The following ACYP2 variants were observed in gnomAD, a reference collection of about 807,000 sequenced individuals.
ACYP2 encodes acylphosphatase-2.
Under a neutral mutation model 11.2 loss-of-function variants are expected in ACYP2, and 12 were observed. The ratio of observed to expected loss-of-function variants is 1.08; its 90% confidence interval spans 0.69 to 1.74. ACYP2 has a LOEUF of 1.74. Ranked by LOEUF, ACYP2 falls within the 40% of genes most tolerant of loss-of-function variation. The pLI, the probability that ACYP2 is intolerant of heterozygous loss-of-function variation, is 0.00. For missense variants in ACYP2, 134 were observed against 101.9 expected, an observed-to-expected ratio of 1.31 and a Z score of -1.35; for synonymous variants, 43 against 32.2, an observed-to-expected ratio of 1.33 and a Z score of -1.13.
At chr2:54,113,210 C>T (rs936371015) in intron 4 of ACYP2, among the ~76,000 whole-genome samples, 1 of 151,018 alleles carries the variant, frequency 6.6e-6, no homozygotes, top group Non-Finnish European at 1.5e-5. Flanking sequence ...TGACAAGAAA[C>T]AAGAGTCTGC....
intron 4 of ACYP2, among the ~76,000 whole-genome samples, chr2:54,069,890 AAGAG>A (rs1392359573): frequency 6.6e-6 from 1 of 152,144 alleles, no homozygotes; most frequent in African/African-American, 2.4e-5. Context: ...ATTTTAATGA[AAGAG>A]AGAAGATATT....
At chr2:54,036,876 T>A (rs17268179) in intron 2 of ACYP2, among the ~76,000 whole-genome samples, 82,153 of 151,904 alleles carry the variant, frequency 0.54, 22,492 homozygotes, top group East Asian at 0.71. Context: ...TGGTGCTCTG[T>A]TACCTCCTGC....
At chr2:54,114,901 T>C (rs574128444) in intron 4 of ACYP2, among the ~76,000 whole-genome samples, 1 of 152,360 alleles carries the variant, frequency 6.6e-6, no homozygotes, top group South Asian at 2.1e-4. Context: ...AGACCTTATC[T>C]TAAAAGCTGG....
At chr2:54,090,341 G>A (rs1678160173) in intron 4 of ACYP2, among the ~76,000 whole-genome samples, 1 of 151,900 alleles carries the variant, frequency 6.6e-6, no homozygotes, top group South Asian at 2.1e-4. Flanking sequence ...CCTCAAAAAA[G>A]TGTTTTCGGC....
intron 4 of ACYP2, among the ~76,000 whole-genome samples, chr2:54,109,102 A>T (rs1679322426): frequency 6.6e-6 from 1 of 152,222 alleles, no homozygotes; most frequent in South Asian, 2.1e-4. Context: ...CTCGAAATTT[A>T]AATTATATGC....
At chr2:54,159,483 C>G (rs1682611357) in intron 6 of ACYP2, among the ~76,000 whole-genome samples, 1 of 151,598 alleles carries the variant, frequency 6.6e-6, no homozygotes, top group African/African-American at 2.4e-5. Context: ...CCTGAGATTA[C>G]AGGCATGAGC....
At chr2:54,031,973 G>C in intron 2 of ACYP2, among the ~76,000 whole-genome samples, 1 of 152,122 alleles carries the variant, frequency 6.6e-6, no homozygotes, top group Non-Finnish European at 1.5e-5. Flanking sequence ...TGATGGGGTT[G>C]TTTGATTTTT....
intron 4 of ACYP2, among the ~76,000 whole-genome samples, chr2:54,071,049 G>A (rs189781532): frequency 2.6e-4 from 40 of 152,118 alleles, no homozygotes; most frequent in African/African-American, 8.9e-4. Flanking sequence ...ACTGCACCCG[G>A]CCTCAAAAGC....
intron 6 of ACYP2, among the ~76,000 whole-genome samples, chr2:54,243,333 C>G (rs1201336818): frequency 6.6e-6 from 1 of 152,006 alleles, no homozygotes; most frequent in Admixed American, 6.5e-5. Flanking sequence ...ATTTTACAGA[C>G]CTATATGGCA....
chr2:54,008,150 A>G (rs910482308), intron 2 of ACYP2, among the ~76,000 whole-genome samples: 2 of 152,216 alleles, frequency 1.3e-5, no homozygotes, highest in African/African-American at 4.8e-5. Context: ...TTAGACTACC[A>G]TGTGCTCTGA....
intron 6 of ACYP2, among the ~76,000 whole-genome samples, chr2:54,249,390 G>A (rs192103422): frequency 4.2e-4 from 63 of 149,892 alleles, no homozygotes; most frequent in Middle Eastern, 3.5e-3. Context: ...AGCCAAGATC[G>A]CGCCACTGCA....
intron 4 of ACYP2, among the ~76,000 whole-genome samples, chr2:54,090,454 C>A (rs1258306142): frequency 6.6e-6 from 1 of 152,052 alleles, no homozygotes; most frequent in Non-Finnish European, 1.5e-5. Context: ...TGTTGTGAAC[C>A]CCCGTTTCTA....
At chr2:54,165,146 A>ATTTCTACTTCACTAC (rs1682895690) in intron 6 of ACYP2, among the ~76,000 whole-genome samples, 1 of 152,024 alleles carries the variant, frequency 6.6e-6, no homozygotes, top group East Asian at 1.9e-4. Flanking sequence ...TGTCTTTGCT[A>ATTTCTACTTCACTAC]TTGCAAGTAG....
At chr2:54,271,148 C>G (rs903070816) in intron 6 of ACYP2, among the ~76,000 whole-genome samples, 2 of 152,160 alleles carry the variant, frequency 1.3e-5, no homozygotes, top group Non-Finnish European at 2.9e-5. Flanking sequence ...GACTTTGAAC[C>G]AAGGATGATA....
At chr2:54,150,021 C>A (rs996750284) in intron 6 of ACYP2, among the ~76,000 whole-genome samples, 4 of 152,138 alleles carry the variant, frequency 2.6e-5, no homozygotes, top group Non-Finnish European at 1.5e-5. Context: ...TTTCAGCTGA[C>A]CCTGACAACA....
In ACYP2 at chr2:54,095,601, C is replaced by T. The variant is rs1279423508; in HGVS notation, c.277+38241C>T. 1.8e-4 allele frequency among the ~76,000 whole-genome samples: 26 copies of T among 145,872 alleles called. 1 individual carries two copies. The highest frequency in any genetic ancestry group is 8.7e-4 in the Admixed American group (13 of 14,916). Reference sequence around the variant, plus strand: ...CTCCCTCCCGGACGGGGCGGCTGGCCGAGTGGGGGGCTGACCCCCCCACCT... The same window carrying T: ...CTCCCTCCCGGACGGGGCGGCTGGCTGAGTGGGGGGCTGACCCCCCCACCT... On this transcript the variant is annotated intron_variant, in intron 4 of 6. Transcript: ENST00000607452.
intron 2 of ACYP2, among the ~76,000 whole-genome samples, chr2:54,001,035 A>T (rs1293752357): frequency 6.6e-6 from 1 of 152,218 alleles, no homozygotes; most frequent in Non-Finnish European, 1.5e-5. Context: ...TAGGATCAAA[A>T]GAATCTCCCG....
intron 6 of ACYP2, among the ~76,000 whole-genome samples, chr2:54,185,528 C>T (rs1683944135): frequency 1.3e-5 from 2 of 151,472 alleles, no homozygotes; most frequent in Admixed American, 1.3e-4. Flanking sequence ...CCGCCTAAAG[C>T]ATAGGGATTT....
intron 4 of ACYP2, among the ~76,000 whole-genome samples, chr2:54,118,274 G>A (rs533406872): frequency 3.3e-5 from 5 of 152,350 alleles, no homozygotes; most frequent in East Asian, 3.9e-4. Context: ...ACCAAAACAC[G>A]TAATGTAAAA....
Sources: gnomAD v4.1 joint callset for allele counts (sites outside exome capture counted in the v4.1 genomes callset) on GRCh38, gnomAD v4.1.1 for gene constraint, MANE v1.5 for transcripts, NCBI Gene and HGNC (gene_info 2026-07-23, HGNC 2026-07-21) for gene names.